Variants in PPP2R3A observed in about 807,000 individuals in gnomAD.
PPP2R3A encodes the protein protein phosphatase 2 regulatory subunit B''alpha.
PPP2R3A carries 80 observed loss-of-function variants against 106.9 expected under a neutral mutation model. The observed-to-expected ratio is 0.75, with a 90% confidence interval of 0.62 to 0.90. The LOEUF (loss-of-function observed/expected upper bound fraction) is 0.90. Among genes scored for constraint, PPP2R3A ranks in the 40% least tolerant of loss-of-function variants. The pLI is 0.00. For synonymous variants in PPP2R3A, 483 were observed against 468.3 expected (o/e 1.03, Z -0.41); for missense variants, 1,386 against 1,350.4 (o/e 1.03, Z -0.41).
At chr3:136,064,105 A>C (rs1038727160) in intron 5 of PPP2R3A, among the ~76,000 whole-genome samples, 6 of 152,080 alleles carry the variant, frequency 3.9e-5, no homozygotes, top group Admixed American at 3.9e-4. Context: ...TGATGAGTTC[A>C]TGTCCTTTGT....
chr3:136,011,232 C>T (rs1275318611), intron 2 of PPP2R3A, among the ~76,000 whole-genome samples: 1 of 151,696 alleles, frequency 6.6e-6, no homozygotes, highest in African/African-American at 2.4e-5. Flanking sequence ...TTTTTTTTCC[C>T]CTAACACTTA....
At chr3:136,030,646 T>C (rs569213676) in intron 3 of PPP2R3A, among the ~76,000 whole-genome samples, 22 of 152,092 alleles carry the variant, frequency 1.4e-4, no homozygotes, top group African/African-American at 4.1e-4. Context: ...TGAGAACATA[T>C]GATGTTTGGT....
chr3:136,140,702 C>T (rs545248207), intron 13 of PPP2R3A, among the ~76,000 whole-genome samples: 2 of 150,854 alleles, frequency 1.3e-5, no homozygotes, highest in Admixed American at 6.6e-5. Context: ...GAGCCGAGAT[C>T]GCGCCACTGC....
intron 5 of PPP2R3A, among the ~76,000 whole-genome samples, chr3:136,064,042 A>T (rs981949693): frequency 2.0e-5 from 3 of 151,822 alleles, no homozygotes; most frequent in Non-Finnish European, 2.9e-5. Context: ...GATAGACTGG[A>T]TTAAGAAAAT....
intron 5 of PPP2R3A, chr3:136,055,471 C>T: frequency 8.8e-7 from 1 of 1,139,760 alleles, no homozygotes; most frequent in East Asian, 2.4e-5. Flanking sequence ...AGACACAGCT[C>T]TTTCTGGATA....
chr3:136,097,254 A>G (rs1279032230), intron 10 of PPP2R3A, among the ~76,000 whole-genome samples: 4 of 152,172 alleles, frequency 2.6e-5, no homozygotes, highest in Non-Finnish European at 4.4e-5. Flanking sequence ...AGTACTTTCA[A>G]TAAGAAAATA....
intron 13 of PPP2R3A, among the ~76,000 whole-genome samples, chr3:136,121,599 G>T (rs1327420546): frequency 6.6e-6 from 1 of 151,640 alleles, no homozygotes; most frequent in African/African-American, 2.4e-5. Context: ...AGTTGAAAAA[G>T]AAAAAAGAAC....
intron 13 of PPP2R3A, among the ~76,000 whole-genome samples, chr3:136,135,048 A>G (rs756033711): frequency 7.2e-5 from 11 of 152,214 alleles, no homozygotes; most frequent in Non-Finnish European, 1.6e-4. Context: ...AATTGGCTCA[A>G]GCGAAAGTTT....
intron 5 of PPP2R3A, among the ~76,000 whole-genome samples, chr3:136,066,443 G>T (rs1464106249): frequency 1.3e-5 from 2 of 152,154 alleles, no homozygotes; most frequent in Non-Finnish European, 2.9e-5. Context: ...AGGCAAGATT[G>T]TTTTAATATT....
intron 1 of PPP2R3A, among the ~76,000 whole-genome samples, chr3:135,977,507 A>C (rs577804486): frequency 1.3e-5 from 2 of 152,106 alleles, no homozygotes; most frequent in South Asian, 4.1e-4. Context: ...CACTGTTTTT[A>C]ATTGTTTTTA....
intron 6 of PPP2R3A, among the ~76,000 whole-genome samples, chr3:136,074,829 A>G (rs1936545921): frequency 6.6e-6 from 1 of 152,100 alleles, no homozygotes; most frequent in Non-Finnish European, 1.5e-5. Flanking sequence ...GAGCTTACCA[A>G]CTCTTCCCCC....
At chr3:136,110,108 C>G (rs189698662) in intron 13 of PPP2R3A, among the ~76,000 whole-genome samples, 2 of 152,258 alleles carry the variant, frequency 1.3e-5, no homozygotes, top group African/African-American at 4.8e-5. Context: ...CTGTCCCCAA[C>G]TCATATCCCT....
chr3:136,026,587 G>A (rs1033095922), intron 2 of PPP2R3A, among the ~76,000 whole-genome samples: 3 of 152,084 alleles, frequency 2.0e-5, no homozygotes, highest in African/African-American at 7.2e-5. Context: ...AATAGTTGAT[G>A]GAGAAACCTA....
intron 1 of PPP2R3A, among the ~76,000 whole-genome samples, chr3:135,978,541 A>C (rs776020293): frequency 2.0e-5 from 3 of 151,608 alleles, no homozygotes; most frequent in Non-Finnish European, 4.4e-5. Context: ...GGAAAGGTTT[A>C]AACACTTGAA....
rs774199620 is a variant in PPP2R3A, at chr3:136,003,303, C to T, written c.1805C>T (p.Ala602Val). The change falls in exon 2 of 14, where the codon GCT becomes GTT. Residue 602 changes from alanine (A) to valine (V), a missense_variant. Ala to Val is a moderately conservative substitution (Grantham distance 64). Transcript: ENST00000264977. ...LRILESIEDF[A>V]QELVECKSSR... Reference sequence around the variant, plus strand: ...ATCCTGGAAAGCATTGAAGACTTTGCTCAAGAACTAGTTGAATGCAAATCA... The same window carrying T: ...ATCCTGGAAAGCATTGAAGACTTTGTTCAAGAACTAGTTGAATGCAAATCA... 6.2e-7 allele frequency: 1 copy of T among 1,613,974 alleles called. No homozygotes were observed. The highest frequency in any genetic ancestry group is 2.2e-5 in the East Asian group (1 of 44,858).
chr3:136,095,502 T>C (rs1245722633), intron 10 of PPP2R3A, among the ~76,000 whole-genome samples: 8 of 152,202 alleles, frequency 5.3e-5, no homozygotes, highest in Admixed American at 5.2e-4. Context: ...TAAGAGACTG[T>C]GCAGCTAGTA....
rs1160943212 is a variant in PPP2R3A at position 136,082,453 on chromosome 3, C to G, written c.2788+32C>G. On this transcript the variant is annotated intron_variant, in intron 8 of 13. Transcript: ENST00000264977. ...GATTCTGTAGATGCTAAGACTTAACCATTTTAAAGAGTTATATAAATTATC... is the reference window on the plus strand; with the variant it reads ...GATTCTGTAGATGCTAAGACTTAACGATTTTAAAGAGTTATATAAATTATC... The G allele has an allele frequency of 1.9e-6, 3 of 1,594,342 alleles. No individual in the cohort carries two copies. The South Asian group carries it at 3.3e-5, about 18-fold the overall frequency.
intron 9 of PPP2R3A, among the ~76,000 whole-genome samples, chr3:136,089,421 C>T (rs772302342): frequency 6.6e-6 from 1 of 151,962 alleles, no homozygotes; most frequent in African/African-American, 2.4e-5. Flanking sequence ...TGGGCTCTCT[C>T]TTCTGCTCCA....
Position 136,085,076 on chromosome 3 carries a change from G to A in PPP2R3A, c.2788+2655G>A, listed in dbSNP as rs142005933. Among the ~76,000 whole-genome samples, 307 of 152,270 alleles carry A rather than the reference G, an allele frequency of 2.0e-3. 2 individuals carry two copies. Among genetic ancestry groups the A allele is most frequent in the African/African-American group, 7.0e-3 (290 of 41,560 alleles). On this transcript the variant is annotated intron_variant, in intron 8 of 13. Coordinates refer to ENST00000264977, the MANE Select transcript of PPP2R3A (RefSeq NM_002718.5). ...GGCATGATTGGTTTTGAAGTGTGGG[G>A]ATCTGAGATATGGGAGGAGCCATGG...
Sources: gnomAD v4.1 joint callset for allele counts (sites outside exome capture counted in the v4.1 genomes callset) on GRCh38, gnomAD v4.1.1 for gene constraint, MANE v1.5 for transcripts, NCBI Gene and HGNC (gene_info 2026-07-23, HGNC 2026-07-21) for gene names.